Variants in PIK3C2G observed in about 807,000 individuals in gnomAD.
The protein encoded by PIK3C2G is phosphatidylinositol-4-phosphate 3-kinase catalytic subunit type 2 gamma, also known as phosphatidylinositol 3-kinase C2 domain-containing subunit gamma.
Under a neutral mutation model 181.1 loss-of-function variants are expected in PIK3C2G, and 168 were observed. The observed-to-expected ratio is 0.93, with a 90% CI of 0.82 to 1.05. The LOEUF is 1.05. Among genes scored for constraint, PIK3C2G ranks in the 50% least tolerant of loss-of-function variants. The pLI is 0.00. For missense variants in PIK3C2G, 1,869 were observed against 1,732.8 expected (o/e 1.08, Z -1.40); for synonymous variants, 573 against 592.2 (o/e 0.97, Z 0.47).
the PIK3C2G span, chr12:18,701,502 T>G: frequency 1.5e-5 from 25 of 1,613,982 alleles, no homozygotes; most frequent in Middle Eastern, 2.0e-3. Context: ...CCACCTCACC[T>G]TCTTTTTCTT....
At chr12:18,698,361 G>A in the PIK3C2G span, among the ~76,000 whole-genome samples, 29 of 150,380 alleles carry the variant, frequency 1.9e-4, no homozygotes, top group Middle Eastern at 6.8e-3. Context: ...TTTAACTGTA[G>A]TCCAGACCTA....
chr12:18,395,992 C>G (rs567332928), intron 15 of PIK3C2G, among the ~76,000 whole-genome samples: 9 of 151,260 alleles, frequency 6.0e-5, no homozygotes, highest in Admixed American at 5.3e-4. Flanking sequence ...GAAAAAAACA[C>G]GCCATAGAAA....
intron 24 of PIK3C2G, among the ~76,000 whole-genome samples, chr12:18,514,093 T>C (rs780180165): frequency 4.6e-5 from 7 of 151,836 alleles, no homozygotes; most frequent in Non-Finnish European, 1.0e-4. Context: ...CTGTGACCCA[T>C]TGGTTGTTTA....
At chr12:18,277,251 T>C (rs1268828667) in intron 1 of PIK3C2G, among the ~76,000 whole-genome samples, 1 of 152,162 alleles carries the variant, frequency 6.6e-6, no homozygotes, top group African/African-American at 2.4e-5. Flanking sequence ...TGCTAAAATA[T>C]GATTTTCTGT....
At chr12:18,618,382 A>G (rs1948697851) in intron 31 of PIK3C2G, among the ~76,000 whole-genome samples, 1 of 152,226 alleles carries the variant, frequency 6.6e-6, no homozygotes, top group African/African-American at 2.4e-5. Flanking sequence ...GGACAGACTT[A>G]TATCAGAACA....
chr12:18,594,193 T>C (rs2136491201), intron 29 of PIK3C2G, among the ~76,000 whole-genome samples: 1 of 152,058 alleles, frequency 6.6e-6, no homozygotes, highest in South Asian at 2.1e-4. Context: ...GTGAAATGCA[T>C]GCATATTTGT....
chr12:18,286,537 A>G (rs113048993), intron 2 of PIK3C2G, among the ~76,000 whole-genome samples: 3 of 152,216 alleles, frequency 2.0e-5, no homozygotes, highest in South Asian at 2.1e-4. Flanking sequence ...ATAAATCTAA[A>G]TAACAGTAGT....
chr12:18,657,127 G>A, the PIK3C2G span, among the ~76,000 whole-genome samples: 3 of 152,178 alleles, frequency 2.0e-5, no homozygotes, highest in Non-Finnish European at 4.4e-5. Context: ...TACCAGTGCT[G>A]AGGTGACTAC....
chr12:18,384,099 G>A (rs1447446854), intron 14 of PIK3C2G, among the ~76,000 whole-genome samples: 1 of 151,428 alleles, frequency 6.6e-6, no homozygotes, highest in Non-Finnish European at 1.5e-5. Context: ...TGGGATTACA[G>A]GCGTGAGCCA....
intron 32 of PIK3C2G, among the ~76,000 whole-genome samples, chr12:18,646,959 G>T (rs1157015955): frequency 6.6e-6 from 1 of 151,792 alleles, no homozygotes; most frequent in Non-Finnish European, 1.5e-5. Context: ...TGTATATACA[G>T]CATAATTACA....
intron 5 of PIK3C2G, among the ~76,000 whole-genome samples, chr12:18,304,224 A>T (rs1244455457): frequency 2.6e-5 from 4 of 152,192 alleles, no homozygotes; most frequent in Admixed American, 6.5e-5. Flanking sequence ...TATTTTAAAA[A>T]AGTTCTAACT....
intron 29 of PIK3C2G, among the ~76,000 whole-genome samples, chr12:18,591,283 T>C (rs1251007258): frequency 1.3e-5 from 2 of 151,920 alleles, no homozygotes; most frequent in Non-Finnish European, 2.9e-5. Context: ...CATAAACTGC[T>C]GTGCAGATAA....
In PIK3C2G at chr12:18,346,681, C is replaced by G; in HGVS notation, c.1470C>G (p.Ile490Met). The G allele has an allele frequency of 6.2e-7, 1 of 1,613,166 alleles. No individual in the cohort carries two copies. The highest frequency in any genetic ancestry group is 8.5e-7 in the Non-Finnish European group (1 of 1,179,284). Residue 490 changes from isoleucine to methionine, a missense_variant, in exon 11 of 33, where the codon ATC (isoleucine) becomes ATG (methionine). Coordinates refer to ENST00000538779, the MANE Select transcript of PIK3C2G (RefSeq NM_001288772.2). The part of the protein sequence containing the change: ...EKVTTELSTS[I>M]YQLINVYCNS... ...TAACAACTGAACTATCCACATCCAT[C>G]TACCAGCTAATCAATGTCTACTGTA...
the PIK3C2G span, chr12:18,701,893 G>A: frequency 9.1e-6 from 13 of 1,424,928 alleles, no homozygotes; most frequent in South Asian, 1.5e-4. Context: ...AGATATGTAA[G>A]AACTCCATTT....
the PIK3C2G span, chr12:18,723,558 C>A: frequency 6.3e-7 from 1 of 1,582,510 alleles, no homozygotes; most frequent in Non-Finnish European, 8.7e-7. Context: ...AAAAAAATGA[C>A]TGGTGGGCTC....
At chr12:18,700,556 T>C in the PIK3C2G span, among the ~76,000 whole-genome samples, 5 of 125,756 alleles carry the variant, frequency 4.0e-5, no homozygotes, top group African/African-American at 1.4e-4. Flanking sequence ...TGCCAAGAGA[T>C]AGGCATTCCA....
At position 18,449,603 on chromosome 12, in the gene PIK3C2G, G is replaced by A. The variant is rs144324566; in HGVS notation, c.2504+25564G>A. 5.7e-4 allele frequency among the ~76,000 whole-genome samples: 87 copies of A among 152,142 alleles called. No individual in the cohort carries two copies. In the East Asian group the frequency reaches 0.015, roughly 27 times the overall value. On this transcript the variant is annotated intron_variant, in intron 18 of 32. Transcript: ENST00000538779. ...GCTGAGAATGATGGTTTCCAGCTTC[G>A]TCCATGTTCCTGCAAAGGACATGAA...
At chr12:18,544,596 A>G (rs1944325202) in intron 25 of PIK3C2G, among the ~76,000 whole-genome samples, 1 of 151,872 alleles carries the variant, frequency 6.6e-6, no homozygotes, top group Admixed American at 6.6e-5. Context: ...ACCAGGAAAA[A>G]GAGAGAATCA....
intron 18 of PIK3C2G, among the ~76,000 whole-genome samples, chr12:18,440,253 G>A (rs771202030): frequency 6.6e-6 from 1 of 151,940 alleles, no homozygotes; most frequent in Non-Finnish European, 1.5e-5. Context: ...CATAGGAAGA[G>A]CTTGTTCACC....
Sources: allele counts gnomAD v4.1 joint callset (sites outside exome capture counted in the v4.1 genomes callset), GRCh38; gene constraint gnomAD v4.1.1; transcripts MANE v1.5; gene names NCBI Gene and HGNC (gene_info 2026-07-23, HGNC 2026-07-21).